RARB: variants seen among roughly 807,000 people sequenced by gnomAD.
RARB encodes the protein HBV-activated protein.
Under a neutral mutation model 51.9 loss-of-function variants are expected in RARB, and 17 were observed. The ratio of observed to expected loss-of-function variants is 0.33; its 90% CI spans 0.22 to 0.49. The LOEUF (loss-of-function observed/expected upper bound fraction) is 0.49, where lower values mean the gene tolerates loss of function less well. Among genes scored for constraint, RARB ranks in the 20% least tolerant of loss-of-function variants. The pLI is 0.99. For synonymous variants in RARB, 215 were observed against 195.4 expected (o/e 1.10, Z -0.84); for missense variants, 369 against 550.8 (o/e 0.67, Z 3.30).
At chr3:25,192,114 A>T (rs1300444739) in intron 5 of RARB, among the ~76,000 whole-genome samples, 1 of 152,134 alleles carries the variant, frequency 6.6e-6, no homozygotes, top group Non-Finnish European at 1.5e-5. Flanking sequence ...CTTGTAGGAC[A>T]TGAAGGTAGT....
intron 2 of RARB, among the ~76,000 whole-genome samples, chr3:24,895,832 A>T (rs192011682): frequency 6.6e-6 from 1 of 152,336 alleles, no homozygotes; most frequent in African/African-American, 2.4e-5. Context: ...AATGAAGCAT[A>T]GAATAACGTC....
chr3:25,006,514 T>C (rs1697275675), intron 2 of RARB, among the ~76,000 whole-genome samples: 1 of 152,162 alleles, frequency 6.6e-6, no homozygotes, highest in African/African-American at 2.4e-5. Flanking sequence ...CTATCTGGTT[T>C]CTAGTTTGGG....
chr3:24,978,018 A>AT (rs1178393872), intron 2 of RARB, among the ~76,000 whole-genome samples: 1 of 151,772 alleles, frequency 6.6e-6, no homozygotes, highest in Non-Finnish European at 1.5e-5. Flanking sequence ...TAATCATGTG[A>AT]TTTTTGTTGG....
chr3:25,297,061 A>G (rs918261368), intron 5 of RARB, among the ~76,000 whole-genome samples: 17 of 152,176 alleles, frequency 1.1e-4, no homozygotes, highest in African/African-American at 4.1e-4. Flanking sequence ...TAAAGACCGA[A>G]GTCTTTTATC....
At chr3:25,093,499 C>G (rs1014200826) in intron 3 of RARB, among the ~76,000 whole-genome samples, 2 of 152,028 alleles carry the variant, frequency 1.3e-5, no homozygotes, top group South Asian at 4.1e-4. Context: ...TAGCCCTTCC[C>G]CCCAAACTAG....
chr3:24,922,826 C>T (rs966613660), intron 2 of RARB, among the ~76,000 whole-genome samples: 2 of 152,086 alleles, frequency 1.3e-5, no homozygotes, highest in African/African-American at 2.4e-5. Flanking sequence ...ACATCTCTCT[C>T]TGAAAAAAGT....
chr3:25,159,857 A>G (rs1700445956), intron 4 of RARB, among the ~76,000 whole-genome samples: 1 of 152,126 alleles, frequency 6.6e-6, no homozygotes. Context: ...TTTTTCTTCT[A>G]GGTACTAACA....
intron 2 of RARB, among the ~76,000 whole-genome samples, chr3:24,902,036 AACAT>A (rs1703619731): frequency 1.3e-5 from 2 of 151,646 alleles, no homozygotes; most frequent in African/African-American, 2.4e-5. Context: ...CATATATGAA[AACAT>A]ACATAAGGAA....
chr3:25,261,370 T>G (rs1431696933), intron 5 of RARB, among the ~76,000 whole-genome samples: 1 of 152,128 alleles, frequency 6.6e-6, no homozygotes, highest in Non-Finnish European at 1.5e-5. Flanking sequence ...TCCAGGCTGT[T>G]TTCTGCTCAT....
At chr3:25,377,184 G>T (rs1322313946) in intron 5 of RARB, among the ~76,000 whole-genome samples, 1 of 152,138 alleles carries the variant, frequency 6.6e-6, no homozygotes, top group Non-Finnish European at 1.5e-5. Flanking sequence ...TCTCAGACAT[G>T]CCGCATGCTG....
At chr3:24,930,907 C>T (rs12637240) in intron 2 of RARB, among the ~76,000 whole-genome samples, 28,236 of 151,982 alleles carry the variant, frequency 0.19, 3,331 homozygotes, top group East Asian at 0.33. Context: ...TAGTTACCTG[C>T]GAAGCTGAAG....
intron 3 of RARB, among the ~76,000 whole-genome samples, chr3:25,544,169 A>G (rs1254921980): frequency 6.6e-6 from 1 of 152,252 alleles, no homozygotes; most frequent in African/African-American, 2.4e-5. Flanking sequence ...ATGAAAAACA[A>G]GATCAGAAAA....
intron 2 of RARB, among the ~76,000 whole-genome samples, chr3:24,964,042 T>A (rs1696201261): frequency 6.6e-6 from 1 of 152,168 alleles, no homozygotes; most frequent in Admixed American, 6.5e-5. Flanking sequence ...TATTTGATAT[T>A]TGTTTTTCAT....
intron 3 of RARB, among the ~76,000 whole-genome samples, chr3:25,560,590 TG>T (rs1700231147): frequency 6.6e-6 from 1 of 152,208 alleles, no homozygotes; most frequent in African/African-American, 2.4e-5. Context: ...GTGAACCCAC[TG>T]GAAGCTTAAT....
At chr3:24,857,665 C>T (rs1408705192) in intron 1 of RARB, among the ~76,000 whole-genome samples, 2 of 152,186 alleles carry the variant, frequency 1.3e-5, no homozygotes, top group East Asian at 1.9e-4. Flanking sequence ...CCAGTAATCC[C>T]ACCACTTTGG....
intron 2 of RARB, among the ~76,000 whole-genome samples, chr3:25,052,748 T>C (rs1383351573): frequency 6.6e-6 from 1 of 152,200 alleles, no homozygotes; most frequent in East Asian, 1.9e-4. Context: ...ATCTTTATCC[T>C]AAAGCATTCT....
At chr3:25,464,658 T>A (rs757373777) in intron 2 of RARB, among the ~76,000 whole-genome samples, 4 of 151,962 alleles carry the variant, frequency 2.6e-5, no homozygotes, top group Non-Finnish European at 5.9e-5. Flanking sequence ...AATATAACTT[T>A]AAAAAAATTA....
intron 4 of RARB, among the ~76,000 whole-genome samples, chr3:25,139,693 A>G (rs1321756635): frequency 6.6e-6 from 1 of 152,186 alleles, no homozygotes; most frequent in Non-Finnish European, 1.5e-5. Flanking sequence ...GAAGGTGGCT[A>G]CACTAAGCAG....
chr3:25,089,805 A>AGTCAAGAT (rs1170650428), intron 3 of RARB, among the ~76,000 whole-genome samples: 3 of 152,136 alleles, frequency 2.0e-5, no homozygotes, highest in African/African-American at 7.2e-5. Context: ...ATGATACTAG[A>AGTCAAGAT]GTCAAGATGG....
Sources: allele counts gnomAD v4.1 joint callset (sites outside exome capture counted in the v4.1 genomes callset), GRCh38; gene constraint gnomAD v4.1.1; transcripts MANE v1.5; gene names NCBI Gene and HGNC (gene_info 2026-07-23, HGNC 2026-07-21).